TTLL11: variants seen among roughly 807,000 people sequenced by gnomAD.
The protein encoded by TTLL11 is tubulin tyrosine ligase like 11, also known as tubulin polyglutamylase TTLL11.
Under a neutral mutation model 51.7 loss-of-function variants are expected in TTLL11, and 42 were observed. That is an observed-to-expected ratio of 0.81 (90% confidence interval 0.64 to 1.05). The LOEUF is 1.05. Ranked by LOEUF, TTLL11 falls within the 50% of genes least tolerant of loss-of-function variation. The probability of loss-of-function intolerance (pLI) is 0.00; values close to 1 mark genes in which losing one functional copy is unlikely to be tolerated. For synonymous variants in TTLL11, 381 were observed against 383.5 expected, an observed-to-expected ratio of 0.99 and a Z score of 0.08; for missense variants, 799 against 940.4, an observed-to-expected ratio of 0.85 and a Z score of 1.97.
chr9:121,936,261 C>G (rs1355653096), intron 6 of TTLL11, among the ~76,000 whole-genome samples: 1 of 136,180 alleles, frequency 7.3e-6, no homozygotes, highest in East Asian at 2.0e-4. Context: ...TTCTTTCTTT[C>G]TTTCTTTTTT....
chr9:121,896,303 C>A (rs1839522435), intron 6 of TTLL11, among the ~76,000 whole-genome samples: 3 of 152,190 alleles, frequency 2.0e-5, no homozygotes, highest in Non-Finnish European at 4.4e-5. Flanking sequence ...GCTCCCCTTT[C>A]CGGGGCTAGG....
At chr9:121,883,605 T>G (rs764601856) in intron 6 of TTLL11, among the ~76,000 whole-genome samples, 1 of 152,206 alleles carries the variant, frequency 6.6e-6, no homozygotes, top group South Asian at 2.1e-4. Flanking sequence ...AAAGTCTAAC[T>G]TTTTACTTTA....
chr9:121,959,317 G>T (rs1379203634), intron 6 of TTLL11, among the ~76,000 whole-genome samples: 1 of 152,106 alleles, frequency 6.6e-6, no homozygotes, highest in African/African-American at 2.4e-5. Flanking sequence ...TGTCTACTCT[G>T]TGGAGCAATT....
At chr9:121,997,017 G>T (rs919266505) in intron 3 of TTLL11, among the ~76,000 whole-genome samples, 1 of 152,142 alleles carries the variant, frequency 6.6e-6, no homozygotes, top group Non-Finnish European at 1.5e-5. Flanking sequence ...AGCATCACAC[G>T]GCTGCTCAAG....
intron 1 of TTLL11, among the ~76,000 whole-genome samples, chr9:122,069,666 G>T (rs1422132269): frequency 6.6e-6 from 1 of 152,106 alleles, no homozygotes; most frequent in Non-Finnish European, 1.5e-5. Context: ...GGGCGACAGA[G>T]TGAGACTCCG....
intron 8 of TTLL11, among the ~76,000 whole-genome samples, chr9:121,826,513 A>ATATATATGTGTGTGTGTATATATATATG (rs1564260406): frequency 3.4e-5 from 3 of 89,166 alleles, no homozygotes; most frequent in Non-Finnish European, 6.0e-5. Flanking sequence ...ATATATATAT[A>ATATATATGTGTGTGTGTATATATATATG]TGTATATATA....
chr9:121,976,600 GA>G (rs1842717812), intron 4 of TTLL11, among the ~76,000 whole-genome samples: 1 of 152,146 alleles, frequency 6.6e-6, no homozygotes, highest in African/African-American at 2.4e-5. Flanking sequence ...AAAGATGAGG[GA>G]AATCCATTTA....
chr9:121,942,551 A>G (rs1011714214), intron 6 of TTLL11, among the ~76,000 whole-genome samples: 3 of 151,868 alleles, frequency 2.0e-5, no homozygotes, highest in African/African-American at 7.3e-5. Context: ...ATTGCTCAAT[A>G]CATGTTTGTA....
At chr9:121,936,265 C>CT (rs879342434) in intron 6 of TTLL11, among the ~76,000 whole-genome samples, 1,203 of 82,286 alleles carry the variant, frequency 0.015, 9 homozygotes, top group African/African-American at 0.061. Flanking sequence ...TTCTTTCTTT[C>CT]TTTTTTTTTT....
chr9:122,028,516 G>A (rs1294649747), intron 3 of TTLL11, among the ~76,000 whole-genome samples: 1 of 152,102 alleles, frequency 6.6e-6, no homozygotes, highest in Admixed American at 6.5e-5. Flanking sequence ...AGCTAATAAC[G>A]GAGCTTCAAA....
At chr9:122,047,527 C>A (rs1845047651) in intron 1 of TTLL11, among the ~76,000 whole-genome samples, 1 of 151,878 alleles carries the variant, frequency 6.6e-6, no homozygotes, top group African/African-American at 2.4e-5. Flanking sequence ...CACCCCCTCT[C>A]CCCAGAAGAG....
chr9:121,973,796 A>G (rs1419612628), intron 6 of TTLL11, among the ~76,000 whole-genome samples: 2 of 152,220 alleles, frequency 1.3e-5, no homozygotes, highest in African/African-American at 4.8e-5. Flanking sequence ...TCAGAAATTC[A>G]TCAACGGAAG....
chr9:122,003,479 G>A (rs769739162), intron 3 of TTLL11, among the ~76,000 whole-genome samples: 2 of 137,340 alleles, frequency 1.5e-5, no homozygotes, highest in African/African-American at 2.8e-5. Flanking sequence ...ATATGCATAC[G>A]TTCCTTTTTT....
intron 6 of TTLL11, among the ~76,000 whole-genome samples, chr9:121,916,914 GC>G (rs1840345159): frequency 6.6e-6 from 1 of 152,162 alleles, no homozygotes; most frequent in Non-Finnish European, 1.5e-5. Context: ...GGGAGCTGTT[GC>G]AGACACAATT....
intron 1 of TTLL11, among the ~76,000 whole-genome samples, chr9:122,084,336 T>C (rs143336858): frequency 3.2e-4 from 48 of 152,226 alleles, no homozygotes; most frequent in African/African-American, 1.1e-3. Context: ...AAAGCATTTA[T>C]AAAAATTACT....
chr9:122,022,353 C>A (rs10985494), intron 3 of TTLL11, among the ~76,000 whole-genome samples: 6,701 of 151,732 alleles, frequency 0.044, 176 homozygotes, highest in African/African-American at 0.074. Context: ...AATTGTTCAA[C>A]ACCAATGATA....
At chr9:122,002,546 C>G (rs1284563753) in intron 3 of TTLL11, among the ~76,000 whole-genome samples, 1 of 152,164 alleles carries the variant, frequency 6.6e-6, no homozygotes, top group African/African-American at 2.4e-5. Flanking sequence ...TTACAGGATA[C>G]TCTCATCTCA....
At chr9:121,901,951 T>A (rs1285728745) in intron 6 of TTLL11, among the ~76,000 whole-genome samples, 3 of 152,160 alleles carry the variant, frequency 2.0e-5, no homozygotes, top group African/African-American at 7.2e-5. Flanking sequence ...TTAAATTTTT[T>A]ATTTTTTATT....
At position 121,876,462 on chromosome 9, in the gene TTLL11, G is replaced by C. The variant is rs1280083175; in HGVS notation, c.1482-5714C>G. On this transcript the variant is annotated intron_variant, in intron 6 of 8. Transcript: ENST00000321582. ...CAGTCCCTGTCACCCAGAAGCATGG[G>C]ACCAAGTGAGGGAAAACAAGACCCA... is the stretch of plus-strand genomic sequence containing the variant. 2.6e-5 allele frequency among the ~76,000 whole-genome samples: 4 copies of C among 152,320 alleles called. No individual in the cohort carries two copies. In the East Asian group the frequency reaches 7.7e-4, roughly 29 times the overall value.
Sources: gnomAD v4.1 joint callset for allele counts (sites outside exome capture counted in the v4.1 genomes callset) on GRCh38, gnomAD v4.1.1 for gene constraint, MANE v1.5 for transcripts, NCBI Gene and HGNC (gene_info 2026-07-23, HGNC 2026-07-21) for gene names.